SIL1: variants seen among roughly 807,000 people sequenced by gnomAD.
SIL1 encodes the protein SIL1 nucleotide exchange factor.
Under a neutral mutation model 49.1 loss-of-function variants are expected in SIL1, and 40 were observed. That is an observed-to-expected ratio of 0.81 (90% CI 0.63 to 1.06). SIL1 has a LOEUF of 1.06. Among genes scored for constraint, SIL1 ranks in the 50% least tolerant of loss-of-function variants. SIL1 has a pLI of 0.00. For synonymous variants in SIL1, 253 were observed against 250.8 expected (o/e 1.01, Z -0.08); for missense variants, 500 against 572.6 (o/e 0.87, Z 1.29).
intron 1 of SIL1, among the ~76,000 whole-genome samples, chr5:139,196,122 C>T (rs1318679735): frequency 6.6e-6 from 1 of 152,136 alleles, no homozygotes; most frequent in Non-Finnish European, 1.5e-5. Context: ...CCCAGGAGTT[C>T]AAGGTTGCAG....
chr5:139,076,854 G>A (rs1370783829), intron 3 of SIL1, among the ~76,000 whole-genome samples: 2 of 152,194 alleles, frequency 1.3e-5, no homozygotes, highest in Non-Finnish European at 2.9e-5. Flanking sequence ...TTCTCGGCCG[G>A]GCACAGTGGC....
chr5:139,049,570 C>T (rs1458830733), intron 4 of SIL1, among the ~76,000 whole-genome samples: 6 of 152,146 alleles, frequency 3.9e-5, no homozygotes, highest in Non-Finnish European at 7.4e-5. Context: ...AGGAAGATCA[C>T]TTGAGTCCAG....
rs1184030948 is a variant in SIL1, at chr5:139,056,489, G to A, written c.245-5443C>T. On this transcript the variant is annotated intron_variant, in intron 3 of 9. Transcript: ENST00000394817. Reference sequence around the variant, plus strand: ...TCTCCGCCCGGCAGCCACCCCGTCCGGGAGGGAGGTGGGGGTCAGCCCCCC... The same window carrying A: ...TCTCCGCCCGGCAGCCACCCCGTCCAGGAGGGAGGTGGGGGTCAGCCCCCC... 3.4e-4 allele frequency among the ~76,000 whole-genome samples: 52 copies of A among 151,436 alleles called. No individual in the cohort carries two copies. The South Asian group carries it at 4.8e-3, about 14-fold the overall frequency.
At chr5:139,055,791 C>G (rs1453682768) in intron 3 of SIL1, among the ~76,000 whole-genome samples, 1 of 126,056 alleles carries the variant, frequency 7.9e-6, no homozygotes, top group Non-Finnish European at 1.7e-5. Flanking sequence ...CTGCCTCAGC[C>G]TGCCGAGTGC....
At chr5:138,990,383 G>T (rs1389936434) in intron 7 of SIL1, among the ~76,000 whole-genome samples, 1 of 152,178 alleles carries the variant, frequency 6.6e-6, no homozygotes, top group Non-Finnish European at 1.5e-5. Context: ...GATAACCGTA[G>T]AAGGTAACCT....
At position 139,169,476 on chromosome 5, in the gene SIL1, ATTT is replaced by A. The variant is rs70982754; in HGVS notation, c.-11+28790_-11+28792del. On this transcript the variant is annotated intron_variant, in intron 1 of 9. Transcript: ENST00000394817. ...TGTATGTGTGTGTGTATATAGATAG[ATTT>A]TTTTTTTTTTTTTTTGAGACAGAGT... Among the ~76,000 whole-genome samples the A allele has an allele frequency of 3.4e-3, 470 of 139,592 alleles. 2 individuals carry two copies. The highest frequency in any genetic ancestry group is 7.8e-3 in the African/African-American group (292 of 37,364). 91.6% of individuals were successfully genotyped at this position (139,592 alleles called of 152,430 possible). A position where few individuals can be genotyped will look rare whatever the true frequency, so the allele number is the denominator to read the frequency against.
At chr5:138,972,492 T>C (rs550534099) in intron 7 of SIL1, among the ~76,000 whole-genome samples, 3 of 152,338 alleles carry the variant, frequency 2.0e-5, no homozygotes, top group Admixed American at 2.0e-4. Context: ...TCAGGCTGGC[T>C]CTGCTGCTGC....
chr5:139,106,465 AG>A (rs1561864333), intron 3 of SIL1, among the ~76,000 whole-genome samples: 1 of 152,234 alleles, frequency 6.6e-6, no homozygotes, highest in Non-Finnish European at 1.5e-5. Context: ...ATACATCCCA[AG>A]GGTCTGACAA....
intron 4 of SIL1, among the ~76,000 whole-genome samples, chr5:139,047,215 G>C (rs527944902): frequency 6.6e-6 from 1 of 152,364 alleles, no homozygotes; most frequent in East Asian, 1.9e-4. Context: ...AGGGCAAAAA[G>C]AGAGATGTAC....
intron 1 of SIL1, among the ~76,000 whole-genome samples, chr5:139,143,342 C>CATATATATATATATATATATAT (rs1254298733): frequency 2.2e-5 from 2 of 90,636 alleles, no homozygotes; most frequent in African/African-American, 1.2e-4. Flanking sequence ...CACACACACA[C>CATATATATATATATATATATAT]ACATATATAT....
intron 1 of SIL1, among the ~76,000 whole-genome samples, chr5:139,156,926 A>G (rs1751417242): frequency 6.6e-6 from 1 of 152,220 alleles, no homozygotes; most frequent in East Asian, 1.9e-4. Context: ...CCAGCTAGCC[A>G]GACTCTAACC....
At chr5:139,037,766 A>G (rs577757887) in intron 5 of SIL1, among the ~76,000 whole-genome samples, 114 of 152,306 alleles carry the variant, frequency 7.5e-4, no homozygotes, top group African/African-American at 2.6e-3. Context: ...TTGCTGAAGC[A>G]ATTTTATAAT....
At chr5:139,126,932 T>C (rs1185779046) in intron 2 of SIL1, among the ~76,000 whole-genome samples, 1 of 152,062 alleles carries the variant, frequency 6.6e-6, no homozygotes, top group Non-Finnish European at 1.5e-5. Flanking sequence ...GGTGAAACTG[T>C]CAAATAACTG....
intron 3 of SIL1, among the ~76,000 whole-genome samples, chr5:139,056,096 G>C (rs1354406245): frequency 6.7e-6 from 1 of 150,244 alleles, no homozygotes; most frequent in Admixed American, 6.6e-5. Flanking sequence ...CCGCCACCCC[G>C]TCTGGGAAGT....
chr5:139,068,944 T>C (rs1299082281), intron 3 of SIL1, among the ~76,000 whole-genome samples: 1 of 152,152 alleles, frequency 6.6e-6, no homozygotes, highest in Non-Finnish European at 1.5e-5. Context: ...TGGTACAAGA[T>C]ACTCAATAAC....
intron 9 of SIL1, among the ~76,000 whole-genome samples, chr5:138,949,122 C>T (rs1227364662): frequency 3.3e-5 from 5 of 152,368 alleles, no homozygotes; most frequent in Middle Eastern, 3.4e-3. Flanking sequence ...ACAGGGACTG[C>T]GGATTATTTT....
At chr5:138,970,831 G>C (rs372092726) in intron 7 of SIL1, among the ~76,000 whole-genome samples, 14 of 152,120 alleles carry the variant, frequency 9.2e-5, no homozygotes, top group African/African-American at 2.9e-4. Flanking sequence ...GAACCTGGGA[G>C]GGGGAGGTTG....
At chr5:138,970,839 T>C (rs1580994073) in intron 7 of SIL1, among the ~76,000 whole-genome samples, 1 of 151,082 alleles carries the variant, frequency 6.6e-6, no homozygotes, top group South Asian at 2.1e-4. Flanking sequence ...GAGGGGGAGG[T>C]TGCAGTGGGC....
At chr5:139,162,481 G>A (rs1245333748) in intron 1 of SIL1, among the ~76,000 whole-genome samples, 1 of 152,168 alleles carries the variant, frequency 6.6e-6, no homozygotes, top group Non-Finnish European at 1.5e-5. Context: ...CAAAATGCTA[G>A]GAAGAAAGAG....
Sources: gnomAD v4.1 joint callset for allele counts (sites outside exome capture counted in the v4.1 genomes callset) on GRCh38, gnomAD v4.1.1 for gene constraint, MANE v1.5 for transcripts, NCBI Gene and HGNC (gene_info 2026-07-23, HGNC 2026-07-21) for gene names.